HHAT: variants seen among roughly 807,000 people sequenced by gnomAD.
HHAT encodes protein-cysteine N-palmitoyltransferase HHAT.
In HHAT, 47 loss-of-function variants were observed where a neutral mutation model predicts 70.8. The observed-to-expected ratio is 0.66, with a 90% CI of 0.53 to 0.85. The LOEUF is 0.85. Among genes scored for constraint, HHAT ranks in the 40% least tolerant of loss-of-function variants. HHAT has a pLI of 0.00. For synonymous variants in HHAT, 228 were observed against 247.6 expected (o/e 0.92, Z 0.74); for missense variants, 609 against 604.8 (o/e 1.01, Z -0.07).
intron 7 of HHAT, among the ~76,000 whole-genome samples, chr1:210,442,105 G>T (rs1361059945): frequency 2.2e-5 from 3 of 138,568 alleles, no homozygotes; most frequent in African/African-American, 7.8e-5. Context: ...GCAGTGTTTG[G>T]TTTTTTGTTC....
rs2092017167 is a variant in HHAT at position 210,400,587 on chromosome 1, G to T, written c.393G>T (p.Arg131=). Reference sequence around the variant, plus strand: ...TCTCTTTCTGCGTGGCCCAGTTCCGGTCTCAGCTCCTGACGTGGCTCTGTT... The same window carrying T: ...TCTCTTTCTGCGTGGCCCAGTTCCGTTCTCAGCTCCTGACGTGGCTCTGTT... ...TTISFCVAQF[R]SQLLTWLCSL... is the part of the protein sequence containing the mutation. The change falls in exon 5 of 12, where the codon CGG becomes CGT. Residue 131 remains arginine (R), a synonymous_variant. Coordinates refer to ENST00000261458, the MANE Select transcript of HHAT (RefSeq NM_018194.6). 6.2e-7 allele frequency: 1 copy of T among 1,613,990 alleles called. No homozygotes were observed. The highest frequency in any genetic ancestry group is 1.3e-5 in the African/African-American group (1 of 74,894).
chr1:210,505,842 T>C lies in HHAT; in HGVS notation c.1008-7311T>C, dbSNP rs201974095. On this transcript the variant is annotated intron_variant, in intron 8 of 11. Coordinates refer to ENST00000261458, the MANE Select transcript of HHAT (RefSeq NM_018194.6). ...TCATGCTAAGTGGCCATGACAACAG[T>C]GGTTCTAAAACATACCTCAGTTGTA... is the stretch of plus-strand genomic sequence containing the variant. 2.5e-4 allele frequency among the ~76,000 whole-genome samples: 38 copies of C among 152,324 alleles called. No individual in the cohort carries two copies. The East Asian group carries it at 7.1e-3, about 29-fold the overall frequency.
At chr1:210,425,884 C>T (rs1290223693) in intron 7 of HHAT, among the ~76,000 whole-genome samples, 1 of 152,052 alleles carries the variant, frequency 6.6e-6, no homozygotes, top group Non-Finnish European at 1.5e-5. Context: ...TGAAGAATGT[C>T]AATGGTAGTT....
At chr1:210,436,574 A>G (rs898997553) in intron 7 of HHAT, among the ~76,000 whole-genome samples, 2 of 151,542 alleles carry the variant, frequency 1.3e-5, no homozygotes, top group African/African-American at 2.4e-5. Context: ...TCTCCCCTTC[A>G]TTCTGTGTTC....
intron 8 of HHAT, among the ~76,000 whole-genome samples, chr1:210,493,293 ATAAT>A (rs1206610993): frequency 6.6e-6 from 1 of 152,174 alleles, no homozygotes; most frequent in Non-Finnish European, 1.5e-5. Flanking sequence ...TTCATTTTAA[ATAAT>A]TGGCAAATTC....
intron 8 of HHAT, among the ~76,000 whole-genome samples, chr1:210,483,169 TC>T (rs2094423720): frequency 6.6e-6 from 1 of 152,192 alleles, no homozygotes; most frequent in Non-Finnish European, 1.5e-5. Context: ...TGTGACTCTT[TC>T]TACTATTCTT....
intron 9 of HHAT, among the ~76,000 whole-genome samples, chr1:210,559,645 T>A (rs549497021): frequency 6.6e-6 from 1 of 152,300 alleles, no homozygotes. Flanking sequence ...TCCCACCAAA[T>A]GTCCTGGAGA....
intron 10 of HHAT, among the ~76,000 whole-genome samples, chr1:210,608,296 T>C (rs1665924919): frequency 6.6e-6 from 1 of 152,218 alleles, no homozygotes; most frequent in Non-Finnish European, 1.5e-5. Flanking sequence ...TGAATCATTT[T>C]TACATTTTAA....
At chr1:210,395,647 A>G (rs1228977870) in intron 4 of HHAT, among the ~76,000 whole-genome samples, 2 of 152,182 alleles carry the variant, frequency 1.3e-5, no homozygotes, top group Non-Finnish European at 2.9e-5. Context: ...TGAGATGTGA[A>G]ATGTCTCTTC....
intron 7 of HHAT, among the ~76,000 whole-genome samples, chr1:210,440,858 A>G (rs2093490268): frequency 6.6e-6 from 1 of 152,226 alleles, no homozygotes; most frequent in African/African-American, 2.4e-5. Flanking sequence ...GGTACTGAGT[A>G]TCAGTTTCTT....
chr1:210,400,526 C>A lies in HHAT; in HGVS notation c.332C>A (p.Thr111Asn), dbSNP rs751842969. ...TGGGCCTGCTGGTGTGTGCTGGGGA[C>A]CCCTGGTGTGGCTATGGTTTTGCTC... is the stretch of plus-strand genomic sequence containing the variant. ...GMWACWCVLG[T>N]PGVAMVLLHT... The change falls in exon 5 of 12, where the codon ACC becomes AAC. Residue 111 changes from threonine (T) to asparagine (N), a missense_variant. Physicochemically the swap from Thr to Asn is moderately conservative, Grantham distance 65. Coordinates refer to ENST00000261458, the MANE Select transcript of HHAT (RefSeq NM_018194.6). The A allele has an allele frequency of 1.2e-5, 19 of 1,613,876 alleles. No individual in the cohort carries two copies. The Admixed American group carries it at 1.5e-4, about 13-fold the overall frequency.
intron 11 of HHAT, among the ~76,000 whole-genome samples, chr1:210,641,498 A>G (rs1430145231): frequency 1.3e-5 from 2 of 152,340 alleles, no homozygotes; most frequent in Non-Finnish European, 2.9e-5. Flanking sequence ...ACCTAATAAC[A>G]ATATAGATTA....
chr1:210,335,742 C>G (rs2085427602), intron 1 of HHAT, among the ~76,000 whole-genome samples: 1 of 152,162 alleles, frequency 6.6e-6, no homozygotes, highest in South Asian at 2.1e-4. Context: ...GAATCTAGAT[C>G]ATGTACCTCA....
intron 4 of HHAT, among the ~76,000 whole-genome samples, chr1:210,399,683 A>T (rs1360548883): frequency 2.6e-5 from 4 of 152,208 alleles, no homozygotes; most frequent in African/African-American, 9.7e-5. Context: ...CTCAAAGTTA[A>T]AACATTGTGG....
chr1:210,356,658 A>G (rs2087661848), intron 2 of HHAT, among the ~76,000 whole-genome samples: 1 of 152,244 alleles, frequency 6.6e-6, no homozygotes, highest in African/African-American at 2.4e-5. Flanking sequence ...TTTATGAAGA[A>G]AGGATACAGA....
At chr1:210,608,981 A>G (rs935917940) in intron 10 of HHAT, among the ~76,000 whole-genome samples, 3 of 152,164 alleles carry the variant, frequency 2.0e-5, no homozygotes, top group African/African-American at 7.2e-5. Flanking sequence ...GCGAAGGGGG[A>G]AGAGCCCCTT....
chr1:210,404,462 A>G lies in HHAT; in HGVS notation c.469-2A>G. On this transcript the variant is annotated splice_acceptor_variant, in intron 5 of 11. Coordinates refer to ENST00000261458, the MANE Select transcript of HHAT (RefSeq NM_018194.6). LOFTEE classifies it high-confidence loss of function. The stretch of plus-strand genomic sequence containing the variant: ...GGTTGTTCTCTCCTTTTGATTTTGT[A>G]GAGAAGGTGGTACAAGACAGAAAAC... 6.2e-7 allele frequency: 1 copy of G among 1,609,646 alleles called. No homozygotes were observed. The highest frequency in any genetic ancestry group is 1.1e-5 in the South Asian group (1 of 90,914).
chr1:210,368,168 G>C (rs2089194819), intron 3 of HHAT, among the ~76,000 whole-genome samples: 1 of 152,070 alleles, frequency 6.6e-6, no homozygotes, highest in South Asian at 2.1e-4. Context: ...CAGGTATATT[G>C]TCATTCATTT....
chr1:210,614,883 T>G (rs1667358786), intron 10 of HHAT, among the ~76,000 whole-genome samples: 1 of 152,234 alleles, frequency 6.6e-6, no homozygotes, highest in Non-Finnish European at 1.5e-5. Flanking sequence ...CGTGTGCATG[T>G]GTCTTTATAG....
Sources: allele counts gnomAD v4.1 joint callset (sites outside exome capture counted in the v4.1 genomes callset), GRCh38; gene constraint gnomAD v4.1.1; transcripts MANE v1.5; gene names NCBI Gene and HGNC (gene_info 2026-07-23, HGNC 2026-07-21).